Variants in CDH8 observed in about 807,000 individuals in gnomAD.
The protein encoded by CDH8 is cadherin 8, also known as cadherin-8.
Under a neutral mutation model 68.1 loss-of-function variants are expected in CDH8, and 17 were observed. The observed-to-expected ratio is 0.25, with a 90% confidence interval of 0.17 to 0.37. The LOEUF (loss-of-function observed/expected upper bound fraction) is 0.37, where lower values mean the gene tolerates loss of function less well. Among genes scored for constraint, CDH8 ranks in the 10% least tolerant of loss-of-function variants. The pLI, the probability that CDH8 is intolerant of heterozygous loss-of-function variation, is 1.00. For missense variants in CDH8, 763 were observed against 999.3 expected (o/e 0.76, Z 3.19); for synonymous variants, 372 against 365.1 (o/e 1.02, Z -0.21).
At chr16:61,914,766 G>T (rs934165747) in intron 2 of CDH8, among the ~76,000 whole-genome samples, 4 of 150,546 alleles carry the variant, frequency 2.7e-5, no homozygotes, top group Admixed American at 6.6e-5. Context: ...AAAGAATGAT[G>T]CCACTAGCCA....
In CDH8 at chr16:61,652,219, T is replaced by C. The variant is rs1330475182; in HGVS notation, c.*1389A>G. Reference sequence around the variant, plus strand: ...AATATGCTCACATCTTCTAGTGCTGTTCCTTTTTGGAGTCTAAGACATTCT... The same window carrying C: ...AATATGCTCACATCTTCTAGTGCTGCTCCTTTTTGGAGTCTAAGACATTCT... On this transcript the variant is annotated 3_prime_UTR_variant, in exon 12 of 12. Coordinates refer to ENST00000577390, the MANE Select transcript of CDH8 (RefSeq NM_001796.5). 21 of 982,822 alleles carry C rather than the reference T, an allele frequency of 2.1e-5. No individual in the cohort carries two copies. The highest frequency in any genetic ancestry group is 2.4e-5 in the Non-Finnish European group (20 of 827,734). The allele number at this position is 982,822 out of a possible 1,614,324, so 60.9% of individuals were successfully genotyped here.
intron 2 of CDH8, among the ~76,000 whole-genome samples, chr16:61,912,536 G>T (rs543949048): frequency 6.6e-6 from 1 of 152,194 alleles, no homozygotes; most frequent in Admixed American, 6.5e-5. Context: ...TAATTGGGAT[G>T]AAGAGAATGG....
chr16:61,920,324 A>G (rs1435444604), intron 2 of CDH8, among the ~76,000 whole-genome samples: 1 of 138,266 alleles, frequency 7.2e-6, no homozygotes, highest in Non-Finnish European at 1.6e-5. Context: ...GCAACCTACA[A>G]AATGGGAGAA....
At position 61,960,272 on chromosome 16, in the gene CDH8, TG is replaced by T. The variant is rs1293272955; in HGVS notation, c.253-58800del. On this transcript the variant is annotated intron_variant, in intron 2 of 11. Transcript: ENST00000577390. ...GTGTATACACATACATATATACGTG[TG>T]TGTGTATACACACATATATACGTGT... Among the ~76,000 whole-genome samples the T allele has an allele frequency of 1.9e-5, 2 of 105,116 alleles. 1 individual carries two copies. The highest frequency in any genetic ancestry group is 3.5e-5 in the Non-Finnish European group (2 of 56,958). 69.0% of individuals were successfully genotyped at this position (105,116 alleles called of 152,430 possible).
intron 3 of CDH8, 163 bp downstream of exon 3, chr16:61,901,016 G>T: frequency 1.6e-6 from 1 of 609,598 alleles, no homozygotes. Context: ...AGGGACTAAA[G>T]CTACTGAGCT....
chr16:62,011,348 C>G (rs572232000), intron 2 of CDH8, among the ~76,000 whole-genome samples: 1 of 152,164 alleles, frequency 6.6e-6, no homozygotes, highest in African/African-American at 2.4e-5. Flanking sequence ...CGGGTGCACA[C>G]GCAGGCAGTT....
intron 4 of CDH8, among the ~76,000 whole-genome samples, chr16:61,836,410 A>G (rs1962569989): frequency 6.6e-6 from 1 of 152,054 alleles, no homozygotes; most frequent in Admixed American, 6.6e-5. Flanking sequence ...GATGACTATT[A>G]AAGATAAACG....
intron 3 of CDH8, among the ~76,000 whole-genome samples, chr16:61,877,899 G>T (rs760753267): frequency 3.9e-5 from 6 of 152,116 alleles, no homozygotes; most frequent in Non-Finnish European, 7.4e-5. Flanking sequence ...AAAAGAAAAA[G>T]AAATTGAATG....
At chr16:61,967,345 G>A (rs8057668) in intron 2 of CDH8, among the ~76,000 whole-genome samples, 71,821 of 152,012 alleles carry the variant, frequency 0.47, 17,943 homozygotes, top group East Asian at 0.84. Flanking sequence ...TCTCTTTCCA[G>A]TACCACCACA....
At chr16:61,758,257 C>A (rs1960372606) in intron 8 of CDH8, among the ~76,000 whole-genome samples, 1 of 151,808 alleles carries the variant, frequency 6.6e-6, no homozygotes, top group African/African-American at 2.4e-5. Flanking sequence ...AGAAAATGCC[C>A]CTAGTGAATT....
At chr16:61,883,309 C>T (rs1963612122) in intron 3 of CDH8, among the ~76,000 whole-genome samples, 1 of 151,902 alleles carries the variant, frequency 6.6e-6, no homozygotes, top group Non-Finnish European at 1.5e-5. Flanking sequence ...ATTTCACTCC[C>T]CTTTTAACTT....
chr16:61,872,683 C>T (rs1001839526), intron 3 of CDH8, among the ~76,000 whole-genome samples: 1 of 152,138 alleles, frequency 6.6e-6, no homozygotes, highest in Non-Finnish European at 1.5e-5. Flanking sequence ...GTCCAGCTCC[C>T]CATTCCCATC....
At chr16:61,845,313 G>A (rs991882887) in intron 4 of CDH8, among the ~76,000 whole-genome samples, 2 of 151,844 alleles carry the variant, frequency 1.3e-5, no homozygotes, top group Non-Finnish European at 2.9e-5. Context: ...GCACAATTAG[G>A]CAATCTCAAT....
intron 9 of CDH8, among the ~76,000 whole-genome samples, chr16:61,719,439 A>C (rs1039343482): frequency 3.3e-5 from 5 of 150,580 alleles, no homozygotes; most frequent in Admixed American, 2.0e-4. Flanking sequence ...GTCTATACAA[A>C]GTTTGGATTT....
intron 4 of CDH8, among the ~76,000 whole-genome samples, chr16:61,832,733 TAG>T (rs1962487810): frequency 6.6e-6 from 1 of 151,734 alleles, no homozygotes; most frequent in Non-Finnish European, 1.5e-5. Flanking sequence ...GTTAAGGTTA[TAG>T]ATATCAAAGG....
chr16:62,018,362 G>A (rs112922845), intron 2 of CDH8, among the ~76,000 whole-genome samples: 134 of 152,284 alleles, frequency 8.8e-4, no homozygotes, highest in Admixed American at 3.1e-3. Flanking sequence ...ATGGTGACTC[G>A]CAGGAGGGCC....
intron 2 of CDH8, among the ~76,000 whole-genome samples, chr16:61,962,357 G>A (rs1340104883): frequency 6.6e-6 from 1 of 152,188 alleles, no homozygotes; most frequent in Non-Finnish European, 1.5e-5. Context: ...AGGATGGAGG[G>A]TGTGGGGGAA....
intron 2 of CDH8, among the ~76,000 whole-genome samples, chr16:61,938,382 T>G (rs1964660161): frequency 6.6e-6 from 1 of 152,178 alleles, no homozygotes; most frequent in Admixed American, 6.5e-5. Context: ...CATTTAGATA[T>G]TAATGAGAAG....
intron 2 of CDH8, among the ~76,000 whole-genome samples, chr16:61,950,155 A>T (rs1365364653): frequency 6.6e-6 from 1 of 152,294 alleles, no homozygotes; most frequent in East Asian, 1.9e-4. Flanking sequence ...CTTTCTGTCT[A>T]TAAAGGATGA....
Sources: allele counts gnomAD v4.1 joint callset (sites outside exome capture counted in the v4.1 genomes callset), GRCh38; gene constraint gnomAD v4.1.1; transcripts MANE v1.5; gene names NCBI Gene and HGNC (gene_info 2026-07-23, HGNC 2026-07-21).